SPTBN2: variants seen among roughly 807,000 people sequenced by gnomAD.
SPTBN2 encodes the protein spectrin beta chain, non-erythrocytic 2.
In SPTBN2, 107 loss-of-function variants were observed where a neutral mutation model predicts 284.2. That is an observed-to-expected ratio of 0.38 (90% confidence interval 0.32 to 0.44). The LOEUF (loss-of-function observed/expected upper bound fraction) is 0.44, where lower values mean the gene tolerates loss of function less well. Ranked by LOEUF, SPTBN2 falls within the 20% of genes least tolerant of loss-of-function variation. The pLI, the probability that SPTBN2 is intolerant of heterozygous loss-of-function variation, is 1.00. For missense variants in SPTBN2, 2,569 were observed against 3,287.1 expected, an observed-to-expected ratio of 0.78 and a Z score of 5.34; for synonymous variants, 1,289 against 1,354.8, an observed-to-expected ratio of 0.95 and a Z score of 1.07.
chr11:66,742,528 G>A (rs1258522808), intron 1 of SPTBN2, among the ~76,000 whole-genome samples: 1 of 152,078 alleles, frequency 6.6e-6, no homozygotes, highest in Non-Finnish European at 1.5e-5. Context: ...GACAAGGGCT[G>A]GAAGCTAGGA....
upstream of SPTBN2, among the ~76,000 whole-genome samples, chr11:66,731,596 G>T (rs1021851582): frequency 8.5e-5 from 13 of 152,076 alleles, no homozygotes; most frequent in African/African-American, 3.1e-4. Flanking sequence ...GCAGCCTCAC[G>T]GCCCTCACTG....
At chr11:66,697,947 C>G (rs1168283215) in intron 20 of SPTBN2, among the ~76,000 whole-genome samples, 1 of 152,194 alleles carries the variant, frequency 6.6e-6, no homozygotes, top group Non-Finnish European at 1.5e-5. Context: ...CCATCATGCC[C>G]TTGAGAAAAG....
chr11:66,720,776 A>G (rs1942363103), intron 3 of SPTBN2, among the ~76,000 whole-genome samples: 1 of 152,138 alleles, frequency 6.6e-6, no homozygotes, highest in African/African-American at 2.4e-5. Context: ...GGCAAGAGCG[A>G]GAGTGCCGAA....
Position 66,718,938 on chromosome 11 carries a change from G to A in SPTBN2, c.157+2146C>T, listed in dbSNP as rs1158489978. Among the ~76,000 whole-genome samples, 1 of 152,202 alleles carries A rather than the reference G, an allele frequency of 6.6e-6. No individual in the cohort carries two copies. The highest frequency in any genetic ancestry group is 1.5e-5 in the Non-Finnish European group (1 of 68,026). ...AGGCCCTGCGGGGCGGCGGAGGAGG[G>A]CACTGCCAGCGCCTTCAAGACCCGC... On this transcript the variant is annotated intron_variant, in intron 3 of 37. Coordinates refer to ENST00000533211, the MANE Select transcript of SPTBN2 (RefSeq NM_006946.4). This position sits in a 1 kb window ranked among gnomAD's most constrained non-coding sequence, Gnocchi z 4.8.
intron 32 of SPTBN2, 32 bp downstream of exon 32, chr11:66,688,137 G>C (rs527811646): frequency 6.2e-7 from 1 of 1,613,132 alleles, no homozygotes; most frequent in Non-Finnish European, 8.5e-7. Context: ...GGGCTCAGCC[G>C]CCTCCTCCTA....
In SPTBN2 at chr11:66,696,611, G is replaced by A. The variant is rs1940930703; in HGVS notation, c.4015-71C>T. 6 of 1,591,934 alleles carry A rather than the reference G, an allele frequency of 3.8e-6. No individual in the cohort carries two copies. The East Asian group carries it at 6.7e-5, about 18-fold the overall frequency. On this transcript the variant is annotated intron_variant, in intron 20 of 37. Transcript: ENST00000533211. Reference sequence around the variant, plus strand: ...ACTTTAGAGGCTGAGAGCAGACCAGGGGCCTTACGGGCAGTAGAGACCTGA... The same window carrying A: ...ACTTTAGAGGCTGAGAGCAGACCAGAGGCCTTACGGGCAGTAGAGACCTGA...
Position 66,699,444 on chromosome 11 carries a change from G to A in SPTBN2, c.3738C>T (p.Ala1246=), listed in dbSNP as rs779091056. The change falls in exon 18 of 38, where the codon GCC becomes GCT. Residue 1246 remains alanine, a synonymous_variant. Transcript: ENST00000533211. ...AGTCTGCCTTTTCCCGAATCTTGTC[G>A]GCGTGGATGTTGCCTTCAGATACCA... ...RQLVSEGNIH[A]DKIREKADSI... is the part of the protein sequence containing the mutation. 33 of 1,613,892 alleles carry A rather than the reference G, an allele frequency of 2.0e-5. No homozygotes were observed. The highest frequency in any genetic ancestry group is 1.6e-4 in the Middle Eastern group (1 of 6,082).
At chr11:66,701,770 C>T in intron 15 of SPTBN2, 49 bp from the exon 16 acceptor site, 1 of 1,613,234 alleles carries the variant, frequency 6.2e-7, no homozygotes. Flanking sequence ...CAGCGATGTG[C>T]CCAGTCCACC....
rs1318947067 is a variant in SPTBN2 at position 66,704,751 on chromosome 11, C to G, written c.2525G>C (p.Gly842Ala). The part of the protein sequence containing the change: ...RHYEELQARA[G>A]ERARALEAAL... Reference sequence around the variant, plus strand: ...TGCCTCCAAGGCCCGCGCTCGCTCGCCTGCCCGGGCCTGCAGCTCCTCGTA... The same window carrying G: ...TGCCTCCAAGGCCCGCGCTCGCTCGGCTGCCCGGGCCTGCAGCTCCTCGTA... Residue 842 changes from glycine (G) to alanine (A), a missense_variant, in exon 15 of 38, where the codon GGC becomes GCC. Coordinates refer to ENST00000533211, the MANE Select transcript of SPTBN2 (RefSeq NM_006946.4). 6.2e-7 allele frequency: 1 copy of G among 1,603,152 alleles called. No homozygotes were observed. The highest frequency in any genetic ancestry group is 1.7e-5 in the Admixed American group (1 of 59,038).
chr11:66,711,088 C>T (rs1941836665), intron 8 of SPTBN2, 59 bp from the exon 9 acceptor site: 10 of 1,435,152 alleles, frequency 7.0e-6, no homozygotes, highest in Non-Finnish European at 9.8e-6. Context: ...ACTTGCATCA[C>T]TTACCCCAAA....
chr11:66,688,316 C>CA lies in SPTBN2; in HGVS notation c.6232-6dup. On this transcript the variant is annotated splice_polypyrimidine_tract_variant and splice_region_variant and intron_variant, in intron 31 of 37. Transcript: ENST00000533211. ...CTCCTTCTCCCGCTCCTCTAGCTGTCAAAAAATGCTGCATTCAGCGTGTAG... is the reference window on the plus strand; with the variant it reads ...CTCCTTCTCCCGCTCCTCTAGCTGTCAAAAAAATGCTGCATTCAGCGTGTAG... 2 of 1,580,336 alleles carry CA rather than the reference C, an allele frequency of 1.3e-6. No homozygotes were observed. Among genetic ancestry groups the CA allele is most frequent in the Non-Finnish European group, 8.6e-7 (1 of 1,162,838 alleles).
In SPTBN2 at chr11:66,715,853, C is replaced by T. The variant is rs986153925; in HGVS notation, c.286G>A (p.Glu96Lys). ...ACCAGTATCTCTCCCGAGAGCACCT[C>T]GAGGAGCCTCAGCAGGTTGCGTCCG... The part of the protein sequence containing the change: ...RDGRNLLRLL[E>K]VLSGEILPKP... The change falls in exon 4 of 38, where the codon GAG (glutamate) becomes AAG (lysine). Residue 96 changes from glutamate to lysine, a missense_variant. By Grantham distance (56) the Glu-to-Lys change is moderately conservative. Coordinates refer to ENST00000533211, the MANE Select transcript of SPTBN2 (RefSeq NM_006946.4). The surrounding 1 kb of genome is among the most constrained non-coding windows in gnomAD (Gnocchi z 5.3). The T allele has an allele frequency of 1.2e-6, 2 of 1,614,018 alleles. No homozygotes were observed. Among genetic ancestry groups the T allele is most frequent in the Non-Finnish European group, 1.7e-6 (2 of 1,179,990 alleles).
chr11:66,692,214 G>A (rs1940603986), intron 26 of SPTBN2, among the ~76,000 whole-genome samples: 1 of 152,152 alleles, frequency 6.6e-6, no homozygotes, highest in Non-Finnish European at 1.5e-5. Flanking sequence ...GGGCCTACAG[G>A]CATGCACGGC....
intron 1 of SPTBN2, among the ~76,000 whole-genome samples, chr11:66,739,444 C>A (rs1374553215): frequency 6.6e-6 from 1 of 152,088 alleles, no homozygotes; most frequent in Non-Finnish European, 1.5e-5. Context: ...GAAAATTCTC[C>A]CAGGAATATA....
At chr11:66,717,928 C>T (rs1004216683) in intron 3 of SPTBN2, among the ~76,000 whole-genome samples, 2 of 152,216 alleles carry the variant, frequency 1.3e-5, no homozygotes, top group African/African-American at 2.4e-5. Flanking sequence ...TTGCACAGAT[C>T]CTCTCCTTCG....
chr11:66,691,793 C>A lies in SPTBN2; in HGVS notation c.5191-135G>T. The A allele has an allele frequency of 7.4e-7, 1 of 1,345,476 alleles. No individual in the cohort carries two copies. The highest frequency in any genetic ancestry group is 1.0e-6 in the Non-Finnish European group (1 of 968,560). The allele number at this position is 1,345,476 out of a possible 1,614,324, so 83.3% of individuals were successfully genotyped here. On this transcript the variant is annotated intron_variant, in intron 26 of 37. Coordinates refer to ENST00000533211, the MANE Select transcript of SPTBN2 (RefSeq NM_006946.4). The surrounding 1 kb of genome is among the most constrained non-coding windows in gnomAD (Gnocchi z 8.0). ...CATGGGGGCCGGGACAGGTTTCTTCCCTGTGGTTAAGGAGTAGGTGCAGCT... is the reference window on the plus strand; with the variant it reads ...CATGGGGGCCGGGACAGGTTTCTTCACTGTGGTTAAGGAGTAGGTGCAGCT...
Position 66,690,116 on chromosome 11 carries a change from G to A in SPTBN2, c.5733C>T (p.Arg1911=), listed in dbSNP as rs370302342. The A allele has an allele frequency of 1.5e-5, 25 of 1,614,156 alleles. No homozygotes were observed. The highest frequency in any genetic ancestry group is 4.4e-5 in the South Asian group (4 of 91,094). The change falls in exon 28 of 38, where the codon CGC becomes CGT. Residue 1911 remains arginine (R), a synonymous_variant. Coordinates refer to ENST00000533211, the MANE Select transcript of SPTBN2 (RefSeq NM_006946.4). ...QLLLDTTDKF[R]FFKAVRELML... ...TCAGTTCCCGGACAGCCTTGAAGAA[G>A]CGGAACTTGTCTGTGGTGTCCAGCA...
In SPTBN2 at chr11:66,693,775, G is replaced by C; in HGVS notation, c.4590C>G (p.Asn1530Lys). Residue 1530 changes from asparagine to lysine, a missense_variant, in exon 23 of 38, where the codon AAC becomes AAG. Physicochemically the swap from Asn to Lys is moderately conservative, Grantham distance 94. Transcript: ENST00000533211. This position sits in a 1 kb window ranked among gnomAD's most constrained non-coding sequence, Gnocchi z 5.7. Reference sequence around the variant, plus strand: ...TTGCCTTCAGCCTCTGCCTCACCTGGTTTTTCTTCATGAGAAGCTGGACGC... The same window carrying C: ...TTGCCTTCAGCCTCTGCCTCACCTGCTTTTTCTTCATGAGAAGCTGGACGC... ...LPSVQLLMKK[N>K]QTLQKEIQGH... 2 of 1,612,724 alleles carry C rather than the reference G, an allele frequency of 1.2e-6. No homozygotes were observed. Among genetic ancestry groups the C allele is most frequent in the Non-Finnish European group, 8.5e-7 (1 of 1,179,516 alleles).
chr11:66,730,284 T>C (rs1214701207), upstream of SPTBN2, among the ~76,000 whole-genome samples: 2 of 152,056 alleles, frequency 1.3e-5, no homozygotes, highest in South Asian at 4.2e-4. Flanking sequence ...GCTGATGGGA[T>C]GAGAATCAGC....
Sources: allele counts gnomAD v4.1 joint callset (sites outside exome capture counted in the v4.1 genomes callset), GRCh38; gene constraint gnomAD v4.1.1; non-coding constraint Gnocchi (gnomAD v3.1); transcripts MANE v1.5; gene names NCBI Gene and HGNC (gene_info 2026-07-23, HGNC 2026-07-21).